The following ZAR1L variants were observed in gnomAD, a reference collection of about 807,000 sequenced individuals.
The protein encoded by ZAR1L is zygote arrest 1 like.
ZAR1L carries 16 observed loss-of-function variants against 30.0 expected under a neutral mutation model. The ratio of observed to expected loss-of-function variants is 0.53; its 90% CI spans 0.36 to 0.81. The LOEUF (loss-of-function observed/expected upper bound fraction) is 0.81. Ranked by LOEUF, ZAR1L falls within the 30% of genes least tolerant of loss-of-function variation. ZAR1L has a pLI of 0.00. For missense variants in ZAR1L, 392 were observed against 417.2 expected (o/e 0.94, Z 0.53); for synonymous variants, 197 against 166.8 (o/e 1.18, Z -1.40).
chr13:32,312,916 C>A (rs1231716612), intron 2 of ZAR1L, among the ~76,000 whole-genome samples: 6 of 151,998 alleles, frequency 3.9e-5, no homozygotes. Flanking sequence ...GGAGATCCTG[C>A]CATTTGCAAC....
intron 4 of ZAR1L, among the ~76,000 whole-genome samples, chr13:32,310,263 C>T (rs745309636): frequency 4.6e-5 from 7 of 152,268 alleles, no homozygotes; most frequent in African/African-American, 7.2e-5. Flanking sequence ...CAAATCTTTA[C>T]AGTAAGTTTT....
chr13:32,312,580 TA>T (rs1478678206), intron 2 of ZAR1L, among the ~76,000 whole-genome samples: 1 of 152,150 alleles, frequency 6.6e-6, no homozygotes, highest in East Asian at 1.9e-4. Flanking sequence ...TATTCAGCCT[TA>T]AAACAGGAGA....
chr13:32,312,455 C>A (rs576623103), intron 2 of ZAR1L, among the ~76,000 whole-genome samples: 9 of 152,216 alleles, frequency 5.9e-5, no homozygotes, highest in Non-Finnish European at 1.0e-4. Context: ...GATACCTTCA[C>A]TTCCTTGTTC....
At position 32,310,685 on chromosome 13, in the gene ZAR1L, G is replaced by C; in HGVS notation, c.701C>G (p.Thr234Ser). Residue 234 changes from threonine (T) to serine (S), a missense_variant, in exon 4 of 6, where the codon ACC becomes AGC. Thr to Ser is a moderately conservative substitution (Grantham distance 58). Coordinates refer to ENST00000533490, the MANE Select transcript of ZAR1L (RefSeq NM_001136571.2). ...CCACACGTAAGCACTCTCCCACCTG[G>C]TCTTACAATCTTTACAGTGGAAATA... is the stretch of plus-strand genomic sequence containing the variant. Reference protein sequence around the residue: ...YGYFHCKDCKTRWESAYVWCI... With the variant: ...YGYFHCKDCKSRWESAYVWCI... 1 of 1,551,556 alleles carries C rather than the reference G, an allele frequency of 6.4e-7. No homozygotes were observed. Among genetic ancestry groups the C allele is most frequent in the Non-Finnish European group, 8.7e-7 (1 of 1,146,914 alleles).
At chr13:32,311,201 C>T in intron 3 of ZAR1L, 71 bp downstream of exon 3, 2 of 1,441,972 alleles carry the variant, frequency 1.4e-6, no homozygotes, top group Non-Finnish European at 1.8e-6. Flanking sequence ...GCTCTTATTG[C>T]CCCCATAGAT....
chr13:32,313,848 G>A (rs913508537), intron 2 of ZAR1L, among the ~76,000 whole-genome samples: 9 of 152,176 alleles, frequency 5.9e-5, no homozygotes, highest in Non-Finnish European at 1.3e-4. Flanking sequence ...TAAAATGACA[G>A]AAAATGTTAT....
In ZAR1L at chr13:32,311,667, T is replaced by C. The variant is rs544380052; in HGVS notation, c.259A>G (p.Asn87Asp). Residue 87 changes from asparagine (N) to aspartate (D), a missense_variant, in exon 3 of 6, where the codon AAC (asparagine) becomes GAC (aspartate). Physicochemically the swap from Asn to Asp is conservative, Grantham distance 23. Transcript: ENST00000533490. ...ACCTGCACGCCCACCTCCTTGGTGTTGGGCTTGCACAGCCGCGGGCTCAGG... is the reference window on the plus strand; with the variant it reads ...ACCTGCACGCCCACCTCCTTGGTGTCGGGCTTGCACAGCCGCGGGCTCAGG... ...PSLSPRLCKP[N>D]TKEVGVQVSP... 38 of 1,551,512 alleles carry C rather than the reference T, an allele frequency of 2.4e-5. No individual in the cohort carries two copies. The African/African-American group carries it at 4.6e-4, about 19-fold the overall frequency.
Position 32,311,306 on chromosome 13 carries a change from G to T in ZAR1L, c.620C>A (p.Ala207Asp). 6.5e-7 allele frequency: 1 copy of T among 1,549,792 alleles called. No homozygotes were observed. Among genetic ancestry groups the T allele is most frequent in the Admixed American group, 2.0e-5 (1 of 50,902 alleles). Reference sequence around the variant, plus strand: ...GGGCCTCCGGAGCGGCTCGGAGGCGGCGTCTCCAGGCACCTGCTTGCTCTT... The same window carrying T: ...GGGCCTCCGGAGCGGCTCGGAGGCGTCGTCTCCAGGCACCTGCTTGCTCTT... Reference protein sequence around the residue: ...ETKSKQVPGDAASEPLRRPNF... With the variant: ...ETKSKQVPGDDASEPLRRPNF... The change falls in exon 3 of 6, where the codon GCC becomes GAC. Residue 207 changes from alanine (A) to aspartate (D), a missense_variant. Physicochemically the swap from Ala to Asp is moderately radical, Grantham distance 126. Coordinates refer to ENST00000533490, the MANE Select transcript of ZAR1L (RefSeq NM_001136571.2).
Position 32,311,544 on chromosome 13 carries a change from G to A in ZAR1L, c.382C>T (p.Pro128Ser). Residue 128 changes from proline to serine, a missense_variant, in exon 3 of 6, where the codon CCA (proline) becomes TCA (serine). Coordinates refer to ENST00000533490, the MANE Select transcript of ZAR1L (RefSeq NM_001136571.2). ...WDGRDPQEPLPACGVTSPATG... is the reference protein window; with the variant it reads ...WDGRDPQEPLSACGVTSPATG... The stretch of plus-strand genomic sequence containing the variant: ...GCGGGCGAAGTGACCCCACAGGCTG[G>A]CAGGGGCTCCTGGGGGTCTCTGCCG... 2 of 1,534,508 alleles carry A rather than the reference G, an allele frequency of 1.3e-6. No homozygotes were observed. The highest frequency in any genetic ancestry group is 1.8e-6 in the Non-Finnish European group (2 of 1,139,572).
At position 32,311,650 on chromosome 13, in the gene ZAR1L, G is replaced by T. The variant is rs1442615864; in HGVS notation, c.276C>A (p.Gly92=). 2 of 1,551,342 alleles carry T rather than the reference G, an allele frequency of 1.3e-6. No individual in the cohort carries two copies. Among genetic ancestry groups the T allele is most frequent in the Non-Finnish European group, 1.7e-6 (2 of 1,146,990 alleles). Residue 92 remains glycine (G), a synonymous_variant, in exon 3 of 6, where the codon GGC becomes GGA. Transcript: ENST00000533490. The part of the protein sequence containing the change: ...RLCKPNTKEV[G]VQVSPRVDKA... ...TGTCCACCCGCGGGCTCACCTGCACGCCCACCTCCTTGGTGTTGGGCTTGC... is the reference window on the plus strand; with the variant it reads ...TGTCCACCCGCGGGCTCACCTGCACTCCCACCTCCTTGGTGTTGGGCTTGC...
At chr13:32,304,341 C>T (rs1408206911) in intron 5 of ZAR1L, among the ~76,000 whole-genome samples, 1 of 152,112 alleles carries the variant, frequency 6.6e-6, no homozygotes, top group Non-Finnish European at 1.5e-5. Flanking sequence ...CTGAACCAGT[C>T]AAGGCAACAT....
Position 32,312,004 on chromosome 13 carries a change from G to GC in ZAR1L, c.-80dup. 7.1e-7 allele frequency: 1 copy of GC among 1,411,616 alleles called. No homozygotes were observed. Among genetic ancestry groups the GC allele is most frequent in the Non-Finnish European group, 9.4e-7 (1 of 1,063,838 alleles). 87.4% of individuals were successfully genotyped at this position (1,411,616 alleles called of 1,614,324 possible). On this transcript the variant is annotated 5_prime_UTR_variant, in exon 3 of 6. An upstream open reading frame in the 5' UTR gains an earlier in-frame stop. Coordinates refer to ENST00000533490, the MANE Select transcript of ZAR1L (RefSeq NM_001136571.2). Reference sequence around the variant, plus strand: ...CTTATTTTGCCTTCCTCCTTCATCCGCCCCTTCTTTCTCTTCATCAGGTTG... The same window carrying GC: ...CTTATTTTGCCTTCCTCCTTCATCCGCCCCCTTCTTTCTCTTCATCAGGTTG...
chr13:32,311,710 G>C lies in ZAR1L; in HGVS notation c.216C>G (p.Leu72=). The stretch of plus-strand genomic sequence containing the variant: ...GGCTCAGGCTGGGGTTCATCTGGGA[G>C]AGAATGGCCTTAAGCTGCGCCCTCT... ...PYKRAQLKAI[L]SQMNPSLSPR... Residue 72 remains leucine, a synonymous_variant, in exon 3 of 6, where the codon CTC becomes CTG. Transcript: ENST00000533490. 1.9e-6 allele frequency: 3 copies of C among 1,551,744 alleles called. No individual in the cohort carries two copies. The highest frequency in any genetic ancestry group is 2.6e-6 in the Non-Finnish European group (3 of 1,147,012).
chr13:32,308,230 C>T (rs1203497568), intron 5 of ZAR1L, among the ~76,000 whole-genome samples: 2 of 152,216 alleles, frequency 1.3e-5, no homozygotes, highest in Non-Finnish European at 2.9e-5. Flanking sequence ...ACATTGGAGA[C>T]ACCATAGAAT....
intron 4 of ZAR1L, 68 bp from the exon 5 acceptor site, chr13:32,308,828 G>GTTC: frequency 1.9e-6 from 2 of 1,056,828 alleles, no homozygotes; most frequent in African/African-American, 3.3e-5. Flanking sequence ...AAGGCTCCCA[G>GTTC]TTCTTAAGTA....
Position 32,311,329 on chromosome 13 carries a change from C to G in ZAR1L, c.597G>C (p.Lys199Asn). ...EKDAPCPQET[K>N]SKQVPGDAAS... ...CGGCGTCTCCAGGCACCTGCTTGCT[C>G]TTCGTCTCCTGAGGGCACGGGGCGT... The change falls in exon 3 of 6, where the codon AAG becomes AAC. Residue 199 changes from lysine to asparagine, a missense_variant. Coordinates refer to ENST00000533490, the MANE Select transcript of ZAR1L (RefSeq NM_001136571.2). 6.4e-7 allele frequency: 1 copy of G among 1,550,954 alleles called. No homozygotes were observed. Among genetic ancestry groups the G allele is most frequent in the Non-Finnish European group, 8.7e-7 (1 of 1,146,974 alleles).
At position 32,311,485 on chromosome 13, in the gene ZAR1L, T is replaced by C. The variant is rs1399048962; in HGVS notation, c.441A>G (p.Arg147=). 7 of 1,545,576 alleles carry C rather than the reference T, an allele frequency of 4.5e-6. No individual in the cohort carries two copies. Among genetic ancestry groups the C allele is most frequent in the South Asian group, 1.2e-5 (1 of 83,940 alleles). ...TGRRGLIRLR[R]DGDEAESKAL... is the part of the protein sequence containing the mutation. The stretch of plus-strand genomic sequence containing the variant: ...CCTTGCTCTCCGCTTCGTCCCCATC[T>C]CTCCGCAGGCGGATCAAGCCCCTGC... Residue 147 remains arginine (R), a synonymous_variant, in exon 3 of 6, where the codon AGA becomes AGG. Transcript: ENST00000533490.
chr13:32,312,068 T>G lies in ZAR1L; in HGVS notation c.-143A>C. ...CCTGGCTTCTCCATTTATTTCAGATTCTAATGGGAGCTGCTGCTTATTACC... is the reference window on the plus strand; with the variant it reads ...CCTGGCTTCTCCATTTATTTCAGATGCTAATGGGAGCTGCTGCTTATTACC... On this transcript the variant is annotated 5_prime_UTR_variant, in exon 3 of 6. Coordinates refer to ENST00000533490, the MANE Select transcript of ZAR1L (RefSeq NM_001136571.2). The G allele has an allele frequency of 1.0e-6, 1 of 990,618 alleles. No individual in the cohort carries two copies. 61.4% of individuals were successfully genotyped at this position (990,618 alleles called of 1,614,324 possible).
chr13:32,312,154 T>C, intron 2 of ZAR1L, 61 bp from the exon 3 acceptor site: 1 of 526,900 alleles, frequency 1.9e-6, no homozygotes, highest in Non-Finnish European at 3.3e-6. Flanking sequence ...TCCTACCTAA[T>C]TGCTTTTCCC....
Sources: allele counts gnomAD v4.1 joint callset (sites outside exome capture counted in the v4.1 genomes callset), GRCh38; gene constraint gnomAD v4.1.1; transcripts MANE v1.5; gene names NCBI Gene and HGNC (gene_info 2026-07-23, HGNC 2026-07-21).